Variants in LRRC49 observed in about 807,000 individuals in gnomAD.
The protein encoded by LRRC49 is leucine rich repeat containing 49.
Under a neutral mutation model 83.3 loss-of-function variants are expected in LRRC49, and 50 were observed. That is an observed-to-expected ratio of 0.60 (90% confidence interval 0.48 to 0.76). The LOEUF (loss-of-function observed/expected upper bound fraction) is 0.76, where lower values mean the gene tolerates loss of function less well. Among genes scored for constraint, LRRC49 ranks in the 30% least tolerant of loss-of-function variants. The pLI, the probability that LRRC49 is intolerant of heterozygous loss-of-function variation, is 0.00. For synonymous variants in LRRC49, 286 were observed against 283.3 expected, an observed-to-expected ratio of 1.01 and a Z score of -0.10; for missense variants, 704 against 809.1, an observed-to-expected ratio of 0.87 and a Z score of 1.58.
At chr15:70,873,907 T>C (rs1112178) in intron 2 of LRRC49, among the ~76,000 whole-genome samples, 1 of 152,206 alleles carries the variant, frequency 6.6e-6, no homozygotes, top group African/African-American at 2.4e-5. Flanking sequence ...ATTTTTACAA[T>C]CTACTGCAAC....
rs1036691600 is a variant in LRRC49 at position 71,022,298 on chromosome 15, A to G, written c.1703+9385A>G. ...TGAGGCATGAGAATCACTTGAACCC[A>G]GGAGGCAGAGGTTGCAGTGAGTTGA... is the stretch of plus-strand genomic sequence containing the variant. On this transcript the variant is annotated intron_variant, in intron 14 of 15. Transcript: ENST00000260382. 5.3e-5 allele frequency among the ~76,000 whole-genome samples: 8 copies of G among 152,254 alleles called. 1 individual carries two copies. The South Asian group carries it at 1.5e-3, about 28-fold the overall frequency.
chr15:71,004,705 A>G (rs1339884034), intron 11 of LRRC49, among the ~76,000 whole-genome samples: 1 of 152,090 alleles, frequency 6.6e-6, no homozygotes, highest in African/African-American at 2.4e-5. Flanking sequence ...ACCAAGGAAT[A>G]CTATGCAGCC....
At chr15:70,975,604 G>A (rs1216648413) in intron 9 of LRRC49, among the ~76,000 whole-genome samples, 3 of 152,092 alleles carry the variant, frequency 2.0e-5, no homozygotes, top group African/African-American at 7.2e-5. Context: ...GAGGCAGGAG[G>A]ATCGCTTGAA....
At chr15:70,872,732 C>T (rs1446412293) in intron 1 of LRRC49, among the ~76,000 whole-genome samples, 1 of 152,052 alleles carries the variant, frequency 6.6e-6, no homozygotes, top group Non-Finnish European at 1.5e-5. Flanking sequence ...CCATAGGCAG[C>T]ATCTCAGAAA....
At chr15:70,930,396 A>G (rs1007500179) in intron 7 of LRRC49, among the ~76,000 whole-genome samples, 4 of 149,966 alleles carry the variant, frequency 2.7e-5, no homozygotes, top group African/African-American at 9.8e-5. Flanking sequence ...CTGCAGACAG[A>G]TATACTGTCA....
At position 70,971,797 on chromosome 15, in the gene LRRC49, C is replaced by CTT. The variant is rs56230666; in HGVS notation, c.921+7885_921+7886dup. 1.3e-3 allele frequency among the ~76,000 whole-genome samples: 107 copies of CTT among 82,276 alleles called. 1 individual carries two copies. The highest frequency in any genetic ancestry group is 4.8e-3 in the African/African-American group (97 of 20,416). 54.0% of individuals were successfully genotyped at this position (82,276 alleles called of 152,430 possible). A position where few individuals can be genotyped will look rare whatever the true frequency, so the allele number is the denominator to read the frequency against. On this transcript the variant is annotated intron_variant, in intron 9 of 15. Coordinates refer to ENST00000260382, the MANE Select transcript of LRRC49 (RefSeq NM_017691.5). ...TCAGAGACTAGGATTGTAACCACTC[C>CTT]TTTTTTTTTTTTTTTTTTTTTGCTT...
Position 71,049,554 on chromosome 15 carries a change from T to A in LRRC49, c.2003T>A (p.Ile668Asn). The A allele has an allele frequency of 1.2e-6, 2 of 1,614,048 alleles. No homozygotes were observed. Among genetic ancestry groups the A allele is most frequent in the Non-Finnish European group, 1.7e-6 (2 of 1,179,942 alleles). Residue 668 changes from isoleucine (I) to asparagine (N), a missense_variant, in exon 16 of 16, where the codon ATT becomes AAT. Physicochemically the swap from Ile to Asn is moderately radical, Grantham distance 149. Transcript: ENST00000260382. ...IELVRDAVIE[I>N]RNKNSYMKLC... ...CTTGTTAGGGATGCAGTCATAGAAA[T>A]TCGCAATAAAAATTCCTATATGAAG...
At chr15:71,043,852 A>G (rs1596180135) in intron 15 of LRRC49, among the ~76,000 whole-genome samples, 1 of 152,216 alleles carries the variant, frequency 6.6e-6, no homozygotes, top group African/African-American at 2.4e-5. Flanking sequence ...AACAAAATAT[A>G]TCATTTAATT....
intron 11 of LRRC49, among the ~76,000 whole-genome samples, chr15:71,004,296 C>A (rs556870027): frequency 7.2e-5 from 11 of 152,202 alleles, no homozygotes; most frequent in African/African-American, 1.7e-4. Context: ...ATATAAATTT[C>A]TCTAGTATAA....
At chr15:70,997,524 G>T (rs1486933070) in intron 11 of LRRC49, among the ~76,000 whole-genome samples, 2 of 152,148 alleles carry the variant, frequency 1.3e-5, no homozygotes, top group East Asian at 3.9e-4. Flanking sequence ...GCTGAGGCGG[G>T]TGGATAACCT....
intron 2 of LRRC49, chr15:70,882,526 T>C: frequency 6.2e-7 from 1 of 1,613,956 alleles, no homozygotes; most frequent in Non-Finnish European, 8.5e-7. Flanking sequence ...TATCCCAGTC[T>C]GTATCTGTTT....
chr15:70,854,173 G>A, intron 1 of LRRC49: 1 of 1,036,094 alleles, frequency 9.7e-7, no homozygotes, highest in Non-Finnish European at 1.2e-6. Flanking sequence ...GAGGGGGCGG[G>A]GGCGGTGCGA....
chr15:70,873,145 A>G, exon 2 of LRRC49: 1 of 1,471,694 alleles, frequency 6.8e-7, no homozygotes, highest in Non-Finnish European at 9.2e-7. Context: ...TTGGCCTCCC[A>G]AAGTGTTGGG....
rs753124747 is a variant in LRRC49, at chr15:70,963,931, C to A, written c.920C>A (p.Thr307Lys). Residue 307 changes from threonine to lysine, a missense_variant and splice_region_variant, in exon 9 of 16, where the codon ACG becomes AAG. By Grantham distance (78) the Thr-to-Lys change is moderately conservative. Coordinates refer to ENST00000260382, the MANE Select transcript of LRRC49 (RefSeq NM_017691.5). ...CGCCAGCTAGATATGAAGAGAATCA[C>A]GGTGAGAACCCTTCCAAAGTGTTCA... ...QLRQLDMKRI[T>K]EEERRMASVL... The A allele has an allele frequency of 6.2e-7, 1 of 1,612,428 alleles. No homozygotes were observed. Among genetic ancestry groups the A allele is most frequent in the South Asian group, 1.1e-5 (1 of 90,776 alleles).
At chr15:70,892,072 C>G, upstream of LRRC49, 1 of 1,613,840 alleles carries the variant, frequency 6.2e-7, no homozygotes, top group South Asian at 1.1e-5. Context: ...TCTGGATAAC[C>G]GAAGAGACGT....
chr15:70,895,256 A>G (rs2141099454), intron 2 of LRRC49, among the ~76,000 whole-genome samples: 1 of 152,304 alleles, frequency 6.6e-6, no homozygotes, highest in Admixed American at 6.5e-5. Context: ...TAATTATTTT[A>G]GATCAGTTTT....
At chr15:70,870,241 T>C (rs2032998073) in intron 1 of LRRC49, among the ~76,000 whole-genome samples, 1 of 152,230 alleles carries the variant, frequency 6.6e-6, no homozygotes, top group South Asian at 2.1e-4. Context: ...TTGGAATGGA[T>C]GAGTCATCAG....
chr15:70,891,675 G>A (rs1016084019), upstream of LRRC49, among the ~76,000 whole-genome samples: 1 of 151,312 alleles, frequency 6.6e-6, no homozygotes, highest in African/African-American at 2.4e-5. Context: ...ATTCCAAAGT[G>A]TTAATGATAA....
At chr15:70,926,197 T>G (rs151001872) in intron 7 of LRRC49, among the ~76,000 whole-genome samples, 368 of 152,324 alleles carry the variant, frequency 2.4e-3, no homozygotes, top group African/African-American at 8.5e-3. Context: ...ATTTCCAATT[T>G]TTGGCTCTTA....
Sources: allele counts gnomAD v4.1 joint callset (sites outside exome capture counted in the v4.1 genomes callset), GRCh38; gene constraint gnomAD v4.1.1; transcripts MANE v1.5; gene names NCBI Gene and HGNC (gene_info 2026-07-23, HGNC 2026-07-21).